ZNF248: variants seen among roughly 807,000 people sequenced by gnomAD.
ZNF248 encodes KRAB protein domain.
In ZNF248, 20 loss-of-function variants were observed where a neutral mutation model predicts 44.3. The observed-to-expected ratio is 0.45, with a 90% CI of 0.32 to 0.66. The LOEUF is 0.66. ZNF248 is among the 30% of genes least tolerant of loss of function. The pLI, the probability that ZNF248 is intolerant of heterozygous loss-of-function variation, is 0.04. For synonymous variants in ZNF248, 224 were observed against 229.0 expected, an observed-to-expected ratio of 0.98 and a Z score of 0.20; for missense variants, 654 against 677.0, an observed-to-expected ratio of 0.97 and a Z score of 0.38.
At chr10:37,826,814 T>C (rs1211069165), downstream of ZNF248, among the ~76,000 whole-genome samples, 2 of 152,206 alleles carry the variant, frequency 1.3e-5, no homozygotes, top group Non-Finnish European at 2.9e-5. Context: ...GTACATATTC[T>C]AGCATTTGAT....
At chr10:37,804,468 C>A (rs1457345001) in intron 6 of ZNF248, among the ~76,000 whole-genome samples, 2 of 152,128 alleles carry the variant, frequency 1.3e-5, no homozygotes, top group African/African-American at 2.4e-5. Context: ...AGGTCTCACT[C>A]TGTCACCCAG....
chr10:37,784,509 G>C (rs2047663820), intron 6 of ZNF248, among the ~76,000 whole-genome samples: 1 of 152,158 alleles, frequency 6.6e-6, no homozygotes, highest in Non-Finnish European at 1.5e-5. Flanking sequence ...TCTCAGAATG[G>C]TAACAATCAT....
chr10:37,830,302 T>C lies in ZNF248; in HGVS notation c.*1313A>G, dbSNP rs1262893182. ...TCAGAAAAGTACTGTTTAACTTCTT[T>C]ACTGAAGTGATAGTTCAATAATGGC... On this transcript the variant is annotated 3_prime_UTR_variant, in exon 6 of 6. Transcript: ENST00000395867. 8.1e-6 allele frequency: 8 copies of C among 985,270 alleles called. No homozygotes were observed. Among genetic ancestry groups the C allele is most frequent in the Non-Finnish European group, 9.6e-6 (8 of 829,940 alleles). The allele number at this position is 985,270 out of a possible 1,614,324, so 61.0% of individuals were successfully genotyped here.
intron 5 of ZNF248, among the ~76,000 whole-genome samples, chr10:37,835,281 T>C (rs1031919771): frequency 1.8e-4 from 27 of 152,196 alleles, no homozygotes; most frequent in African/African-American, 6.5e-4. Flanking sequence ...AAATGAAAAA[T>C]AACAATAGGA....
intron 6 of ZNF248, among the ~76,000 whole-genome samples, chr10:37,792,568 A>G (rs1268315607): frequency 6.6e-6 from 1 of 152,206 alleles, no homozygotes; most frequent in East Asian, 1.9e-4. Context: ...GTGAGAAACC[A>G]GACAGACACC....
At chr10:37,808,320 C>A (rs1445371488) in intron 6 of ZNF248, among the ~76,000 whole-genome samples, 1 of 151,202 alleles carries the variant, frequency 6.6e-6, no homozygotes, top group Non-Finnish European at 1.5e-5. Flanking sequence ...CTCTGTCACC[C>A]AGGCTGGAGT....
chr10:37,854,289 T>C (rs2060869472), intron 3 of ZNF248, among the ~76,000 whole-genome samples: 1 of 152,000 alleles, frequency 6.6e-6, no homozygotes, highest in South Asian at 2.1e-4. Context: ...AAAAACACCA[T>C]GAACAATTAT....
chr10:37,788,204 G>T (rs1436777223), intron 6 of ZNF248, among the ~76,000 whole-genome samples: 1 of 149,508 alleles, frequency 6.7e-6, no homozygotes, highest in African/African-American at 2.5e-5. Context: ...GGTGGAGGTT[G>T]CAGTGAGCCA....
At chr10:37,820,876 T>C in intron 6 of ZNF248, 1 of 1,280,900 alleles carries the variant, frequency 7.8e-7, no homozygotes, top group Non-Finnish European at 1.1e-6. Context: ...CTTGCATATT[T>C]ATTGTTTTTT....
At chr10:37,765,811 T>C in the ZNF248 span, among the ~76,000 whole-genome samples, 13 of 152,330 alleles carry the variant, frequency 8.5e-5, no homozygotes, top group African/African-American at 1.2e-4. Flanking sequence ...GGGCGAGGCA[T>C]TGCCTCACTC....
intron 6 of ZNF248, among the ~76,000 whole-genome samples, chr10:37,782,337 A>C (rs1417616753): frequency 6.6e-6 from 1 of 152,130 alleles, no homozygotes; most frequent in African/African-American, 2.4e-5. Context: ...GAGTTTTTGA[A>C]TTTATTATAT....
Position 37,829,660 on chromosome 10 carries a change from T to C in ZNF248, c.*1955A>G. ...CACCTCTGAGCTGGCTTTTCCCACC[T>C]TGTGCACTGTTATCTTCAGGCTACT... On this transcript the variant is annotated 3_prime_UTR_variant, in exon 6 of 6. Coordinates refer to ENST00000395867, the MANE Select transcript of ZNF248 (RefSeq NM_021045.3). 2.0e-6 allele frequency: 2 copies of C among 985,408 alleles called. No homozygotes were observed. Among genetic ancestry groups the C allele is most frequent in the Non-Finnish European group, 2.4e-6 (2 of 829,930 alleles). The allele number at this position is 985,408 out of a possible 1,614,324, so 61.0% of individuals were successfully genotyped here. A position where few individuals can be genotyped will look rare whatever the true frequency, so the allele number is the denominator to read the frequency against.
intron 6 of ZNF248, among the ~76,000 whole-genome samples, chr10:37,811,868 A>G (rs2051570356): frequency 6.6e-6 from 1 of 151,786 alleles, no homozygotes; most frequent in African/African-American, 2.4e-5. Context: ...AATAAAAATT[A>G]AAAAGTCACA....
chr10:37,853,725 G>C (rs1302893019), intron 3 of ZNF248, among the ~76,000 whole-genome samples: 2 of 151,980 alleles, frequency 1.3e-5, no homozygotes, highest in African/African-American at 2.4e-5. Flanking sequence ...GAAAAAAAAA[G>C]CTCTCACTCC....
chr10:37,852,909 T>C (rs951142560), intron 3 of ZNF248, among the ~76,000 whole-genome samples: 2 of 151,888 alleles, frequency 1.3e-5, no homozygotes, highest in Non-Finnish European at 2.9e-5. Context: ...GTTGCCAGGC[T>C]GGAGTGCAGT....
At chr10:37,825,624 A>G (rs866696044), downstream of ZNF248, among the ~76,000 whole-genome samples, 19 of 152,108 alleles carry the variant, frequency 1.2e-4, no homozygotes, top group African/African-American at 4.3e-4. Context: ...TATTTTCTGT[A>G]GAGACAGGGT....
chr10:37,771,796 A>G (rs2046249119), downstream of ZNF248, among the ~76,000 whole-genome samples: 1 of 152,142 alleles, frequency 6.6e-6, no homozygotes, highest in Admixed American at 6.6e-5. Context: ...AAAATTAAAA[A>G]AAACAATCGA....
downstream of ZNF248, among the ~76,000 whole-genome samples, chr10:37,772,062 C>T (rs1779046): frequency 2.0e-3 from 302 of 152,140 alleles, no homozygotes; most frequent in African/African-American, 6.9e-3. Context: ...GTCAGGAGTT[C>T]GAGACCAGCA....
chr10:37,786,466 C>G (rs1026316286), intron 6 of ZNF248, among the ~76,000 whole-genome samples: 10 of 151,820 alleles, frequency 6.6e-5, no homozygotes, highest in Admixed American at 5.9e-4. Context: ...TATTTAGTTC[C>G]AAGACAACCC....
Sources: allele counts gnomAD v4.1 joint callset (sites outside exome capture counted in the v4.1 genomes callset), GRCh38; gene constraint gnomAD v4.1.1; transcripts MANE v1.5; gene names NCBI Gene and HGNC (gene_info 2026-07-23, HGNC 2026-07-21).